LAMC2: variants seen among roughly 807,000 people sequenced by gnomAD.
LAMC2 encodes laminin subunit gamma-2.
LAMC2 carries 97 observed loss-of-function variants against 140.2 expected under a neutral mutation model. The observed-to-expected ratio is 0.69, with a 90% CI of 0.59 to 0.82. The LOEUF is 0.82. Among genes scored for constraint, LAMC2 ranks in the 40% least tolerant of loss-of-function variants. The probability of loss-of-function intolerance (pLI) is 0.00; values close to 1 mark genes in which losing one functional copy is unlikely to be tolerated. For missense variants in LAMC2, 1,402 were observed against 1,476.1 expected, an observed-to-expected ratio of 0.95 and a Z score of 0.82; for synonymous variants, 513 against 540.2, an observed-to-expected ratio of 0.95 and a Z score of 0.70.
In LAMC2 at chr1:183,228,166, C is replaced by T. The variant is rs888881205; in HGVS notation, c.1469-208C>T. ...GCCAGCTAGTTAAGCCTCCTAGTGG[C>T]GCTACTGTGTTCTGCAACCTGCAGT... On this transcript the variant is annotated intron_variant, in intron 10 of 22. Transcript: ENST00000264144. This position sits in a 1 kb window ranked among gnomAD's most constrained non-coding sequence, Gnocchi z 4.3. Among the ~76,000 whole-genome samples, 9 of 152,170 alleles carry T rather than the reference C, an allele frequency of 5.9e-5. No individual in the cohort carries two copies. Among genetic ancestry groups the T allele is most frequent in the African/African-American group, 2.2e-4 (9 of 41,438 alleles).
intron 2 of LAMC2, among the ~76,000 whole-genome samples, chr1:183,213,782 A>G (rs1481911951): frequency 2.1e-5 from 3 of 145,152 alleles, no homozygotes; most frequent in Non-Finnish European, 3.0e-5. Context: ...TATACAGATC[A>G]TGGCCAGGTG....
At chr1:183,239,681 C>T in intron 20 of LAMC2, 118 bp downstream of exon 20, 3 of 844,236 alleles carry the variant, frequency 3.6e-6, no homozygotes, top group Non-Finnish European at 5.7e-6. Context: ...TGTTGTGGCC[C>T]ATGGGAGCCC....
the LAMC2 span, among the ~76,000 whole-genome samples, chr1:183,258,214 C>G: frequency 6.6e-6 from 1 of 152,142 alleles, no homozygotes; most frequent in Admixed American, 6.6e-5. Context: ...CCTGTTCTCT[C>G]CTAACACAAT....
rs528459452 is a variant in LAMC2 at position 183,228,877 on chromosome 1, A to G, written c.1714+258A>G. 6.6e-6 allele frequency among the ~76,000 whole-genome samples: 1 copy of G among 152,310 alleles called. No individual in the cohort carries two copies. Among genetic ancestry groups the G allele is most frequent in the South Asian group, 2.1e-4 (1 of 4,824 alleles). The stretch of plus-strand genomic sequence containing the variant: ...TGAAAAAGGTCAGGTTTACATTCCT[A>G]CGCGGAAAAGGATGTAACACGGGGC... On this transcript the variant is annotated intron_variant, in intron 11 of 22. Transcript: ENST00000264144. This position sits in a 1 kb window ranked among gnomAD's most constrained non-coding sequence, Gnocchi z 4.3.
intron 1 of LAMC2, among the ~76,000 whole-genome samples, chr1:183,204,627 G>T (rs1182926394): frequency 1.3e-5 from 2 of 151,070 alleles, no homozygotes; most frequent in African/African-American, 4.9e-5. Flanking sequence ...GTGAGATCCT[G>T]TCTCAATAAA....
intron 2 of LAMC2, among the ~76,000 whole-genome samples, chr1:183,213,951 G>A (rs531520873): frequency 6.6e-6 from 1 of 151,878 alleles, no homozygotes; most frequent in African/African-American, 2.4e-5. Flanking sequence ...TGTAATCCCA[G>A]CTACTTGGGA....
At chr1:183,209,094 G>C (rs1658995442) in intron 2 of LAMC2, among the ~76,000 whole-genome samples, 1 of 151,622 alleles carries the variant, frequency 6.6e-6, no homozygotes, top group African/African-American at 2.4e-5. Context: ...TGGACAGACA[G>C]TAAAGACAAG....
chr1:183,204,986 C>A (rs1188829102), intron 1 of LAMC2, among the ~76,000 whole-genome samples: 2 of 152,110 alleles, frequency 1.3e-5, no homozygotes, highest in African/African-American at 4.8e-5. Context: ...CCACTCCCAG[C>A]TAATTTTTGT....
chr1:183,247,726 GGT>G (rs998003007), downstream of LAMC2, among the ~76,000 whole-genome samples: 1 of 152,120 alleles, frequency 6.6e-6, no homozygotes, highest in Non-Finnish European at 1.5e-5. Flanking sequence ...CCCAATATAG[GGT>G]GTGTGATATG....
At chr1:183,253,183 T>G in the LAMC2 span, among the ~76,000 whole-genome samples, 1 of 150,118 alleles carries the variant, frequency 6.7e-6, no homozygotes, top group Non-Finnish European at 1.5e-5. Context: ...TGTTGTAAGA[T>G]ACACATATAT....
intron 8 of LAMC2, 135 bp from the exon 9 acceptor site, chr1:183,226,561 CCT>C: frequency 1.3e-6 from 1 of 771,318 alleles, no homozygotes. Flanking sequence ...GACTGCCATA[CCT>C]CTCTACATGG....
chr1:183,190,361 G>C (rs985209537), intron 1 of LAMC2, among the ~76,000 whole-genome samples: 1 of 151,906 alleles, frequency 6.6e-6, no homozygotes. Context: ...CTCTCCTTTC[G>C]TCAGCCCAAG....
rs1170600264 is a variant in LAMC2 at position 183,239,474 on chromosome 1, G to A, written c.2980G>A (p.Glu994Lys). 1.9e-6 allele frequency: 3 copies of A among 1,614,022 alleles called. No individual in the cohort carries two copies. The highest frequency in any genetic ancestry group is 2.7e-5 in the African/African-American group (2 of 74,914). ...SDASDKTQQAERALGSAAADA... is the reference protein window; with the variant it reads ...SDASDKTQQAKRALGSAAADA... ...TGCCAGTGACAAGACCCAGCAAGCA[G>A]AAAGAGCCCTGGGGAGCGCTGCTGC... The change falls in exon 20 of 23, where the codon GAA becomes AAA. Residue 994 changes from glutamate to lysine, a missense_variant. This residue lies in a region of LAMC2 where 670 missense variants were observed against 667.2 expected (regional missense o/e 1.00). Coordinates refer to ENST00000264144, the MANE Select transcript of LAMC2 (RefSeq NM_005562.3).
intron 2 of LAMC2, among the ~76,000 whole-genome samples, chr1:183,212,149 A>T (rs1659090166): frequency 6.6e-6 from 1 of 152,212 alleles, no homozygotes; most frequent in South Asian, 2.1e-4. Context: ...AAACTACTGC[A>T]GGGAGAGTTT....
At chr1:183,200,474 G>T (rs1483342233) in intron 1 of LAMC2, among the ~76,000 whole-genome samples, 1 of 152,074 alleles carries the variant, frequency 6.6e-6, no homozygotes. Context: ...TCTCGTAATT[G>T]TATGCCTCAA....
At chr1:183,219,136 T>G (rs1659385198) in intron 4 of LAMC2, among the ~76,000 whole-genome samples, 2 of 152,232 alleles carry the variant, frequency 1.3e-5, no homozygotes, top group South Asian at 4.1e-4. Context: ...TCCCAGAGGC[T>G]GTTGAGCAGA....
At position 183,234,409 on chromosome 1, in the gene LAMC2, A is replaced by G; in HGVS notation, c.2263A>G (p.Lys755Glu). The G allele has an allele frequency of 1.2e-6, 2 of 1,614,180 alleles. No homozygotes were observed. The highest frequency in any genetic ancestry group is 1.7e-6 in the Non-Finnish European group (2 of 1,180,000). The change falls in exon 15 of 23, where the codon AAA becomes GAA. Residue 755 changes from lysine to glutamate, a missense_variant. Lys to Glu is a moderately conservative substitution (Grantham distance 56, BLOSUM62 1). Coordinates refer to ENST00000264144, the MANE Select transcript of LAMC2 (RefSeq NM_005562.3). ...SDHYVGPNGFKSLAQEATRLA... is the reference protein window; with the variant it reads ...SDHYVGPNGFESLAQEATRLA... ...CCACTACGTGGGGCCAAATGGCTTT[A>G]AAAGTCTGGCTCAGGAGGCCACAAG...
chr1:183,215,528 G>A lies in LAMC2; in HGVS notation c.344G>A (p.Arg115Gln), dbSNP rs17481405. The A allele has an allele frequency of 9.8e-3, 15,824 of 1,614,164 alleles. 152 individuals carry two copies. Among genetic ancestry groups the A allele is most frequent in the Middle Eastern group, 0.011 (69 of 6,058 alleles). Residue 115 changes from arginine to glutamine, a missense_variant, in exon 3 of 23, where the codon CGA becomes CAA. By Grantham distance (43) the Arg-to-Gln change is conservative. This residue lies in a region of LAMC2 where 723 missense variants were observed against 783.3 expected (regional missense o/e 0.92). Transcript: ENST00000264144. ...GGTGTGACAGGAGCCAGATGCGACC[G>A]ATGTCTGCCAGGCTTCCACATGCTC... ...KPGVTGARCD[R>Q]CLPGFHMLTD...
At chr1:183,253,273 ATAT>A in the LAMC2 span, among the ~76,000 whole-genome samples, 1 of 147,872 alleles carries the variant, frequency 6.8e-6, no homozygotes, top group Non-Finnish European at 1.5e-5. Flanking sequence ...ATACTATATT[ATAT>A]TATTTATATA....
Sources: allele counts gnomAD v4.1 joint callset (sites outside exome capture counted in the v4.1 genomes callset), GRCh38; gene constraint gnomAD v4.1.1; regional missense constraint gnomAD v4.1.1; non-coding constraint Gnocchi (gnomAD v3.1); transcripts MANE v1.5; gene names NCBI Gene and HGNC (gene_info 2026-07-23, HGNC 2026-07-21).